GLI3: variants seen among roughly 807,000 people sequenced by gnomAD.
GLI3 encodes the protein GLI family zinc finger 3.
In GLI3, 20 loss-of-function variants were observed where a neutral mutation model predicts 100.8. The ratio of observed to expected loss-of-function variants is 0.20; its 90% CI spans 0.14 to 0.29. The LOEUF (loss-of-function observed/expected upper bound fraction) is 0.29, where lower values mean the gene tolerates loss of function less well. Among genes scored for constraint, GLI3 ranks in the 10% least tolerant of loss-of-function variants. The pLI, the probability that GLI3 is intolerant of heterozygous loss-of-function variation, is 1.00. For synonymous variants in GLI3, 938 were observed against 860.5 expected (o/e 1.09, Z -1.58); for missense variants, 2,040 against 2,128.5 (o/e 0.96, Z 0.82).
chr7:42,201,676 T>C (rs1199139868), intron 2 of GLI3, among the ~76,000 whole-genome samples: 3 of 152,196 alleles, frequency 2.0e-5, no homozygotes, highest in Non-Finnish European at 2.9e-5. Context: ...CATAGCCTGT[T>C]GCTCCCAGGA....
At chr7:42,117,232 T>C (rs1296648959) in intron 3 of GLI3, among the ~76,000 whole-genome samples, 3 of 152,072 alleles carry the variant, frequency 2.0e-5, no homozygotes, top group Non-Finnish European at 4.4e-5. Context: ...AAGATAGTGG[T>C]AGGGGAAGGA....
chr7:42,236,018 G>A (rs370045477), intron 1 of GLI3, among the ~76,000 whole-genome samples: 71 of 151,946 alleles, frequency 4.7e-4, no homozygotes, highest in African/African-American at 1.6e-3. Flanking sequence ...GTCAGGCAGG[G>A]AAGCCTGGGG....
chr7:42,246,749 C>T (rs547369269), intron 1 of GLI3, among the ~76,000 whole-genome samples: 93 of 143,248 alleles, frequency 6.5e-4, no homozygotes, highest in African/African-American at 2.4e-3. Flanking sequence ...CTGTTATTTT[C>T]GGCGGTTGGT....
upstream of GLI3, among the ~76,000 whole-genome samples, chr7:42,239,319 G>C (rs1424002414): frequency 6.6e-6 from 1 of 152,184 alleles, no homozygotes; most frequent in East Asian, 1.9e-4. Context: ...GATAGTGTTA[G>C]GAGTGCCAGG....
At chr7:42,083,867 G>A (rs1446160202) in intron 3 of GLI3, among the ~76,000 whole-genome samples, 1 of 152,144 alleles carries the variant, frequency 6.6e-6, no homozygotes, top group Non-Finnish European at 1.5e-5. Context: ...CAAATTTCAA[G>A]ATAATGGATG....
At chr7:42,182,165 C>T (rs1279431664) in intron 2 of GLI3, among the ~76,000 whole-genome samples, 1 of 152,062 alleles carries the variant, frequency 6.6e-6, no homozygotes, top group African/African-American at 2.4e-5. Flanking sequence ...ACAGGTGCTC[C>T]GTTTGGCAAG....
chr7:42,104,777 G>C (rs532390521), intron 3 of GLI3, among the ~76,000 whole-genome samples: 10 of 152,102 alleles, frequency 6.6e-5, no homozygotes, highest in African/African-American at 1.9e-4. Context: ...TATGAATGGG[G>C]TTCCTTTTAA....
At chr7:42,234,736 T>C (rs1350089918) in intron 1 of GLI3, among the ~76,000 whole-genome samples, 3 of 152,162 alleles carry the variant, frequency 2.0e-5, no homozygotes, top group East Asian at 1.9e-4. Flanking sequence ...ACCTCTCACA[T>C]TGGACTCATT....
In GLI3 at chr7:42,159,304, T is replaced by C. The variant is rs148900596; in HGVS notation, c.125-10836A>G. Among the ~76,000 whole-genome samples, 371 of 152,252 alleles carry C rather than the reference T, an allele frequency of 2.4e-3. 2 individuals are homozygous for C. The highest frequency in any genetic ancestry group is 8.3e-3 in the African/African-American group (346 of 41,528). On this transcript the variant is annotated intron_variant, in intron 2 of 14. Coordinates refer to ENST00000395925, the MANE Select transcript of GLI3 (RefSeq NM_000168.6). Reference sequence around the variant, plus strand: ...TCCAAAAGTTAAAGAAGCATATGGTTTACAGAAAAAGGAAAAAAGACTTGC... The same window carrying C: ...TCCAAAAGTTAAAGAAGCATATGGTCTACAGAAAAAGGAAAAAAGACTTGC...
intron 2 of GLI3, among the ~76,000 whole-genome samples, chr7:42,180,060 A>C (rs1447828441): frequency 6.6e-6 from 1 of 152,182 alleles, no homozygotes; most frequent in African/African-American, 2.4e-5. Flanking sequence ...ATAAGTACAG[A>C]GGGAGAAGAG....
chr7:42,153,563 G>A (rs1188039540), intron 2 of GLI3, among the ~76,000 whole-genome samples: 2 of 150,942 alleles, frequency 1.3e-5, no homozygotes, highest in African/African-American at 4.9e-5. Context: ...GGGCGGGCAG[G>A]GAGGAGGCAA....
chr7:42,055,964 G>A (rs372663084), intron 4 of GLI3, among the ~76,000 whole-genome samples: 1 of 152,076 alleles, frequency 6.6e-6, no homozygotes, highest in Admixed American at 6.5e-5. Flanking sequence ...TCATGGAGGC[G>A]GGTCTGTTCT....
In GLI3 at chr7:41,966,687, C is replaced by G. The variant is rs1787194809; in HGVS notation, c.2432-46G>C. 2 of 1,601,128 alleles carry G rather than the reference C, an allele frequency of 1.2e-6. No homozygotes were observed. The highest frequency in any genetic ancestry group is 2.2e-5 in the East Asian group (1 of 44,816). On this transcript the variant is annotated intron_variant, in intron 14 of 14. Coordinates refer to ENST00000395925, the MANE Select transcript of GLI3 (RefSeq NM_000168.6). The surrounding 1 kb of genome is among the most constrained non-coding windows in gnomAD (Gnocchi z 5.8). Reference sequence around the variant, plus strand: ...AGACCATGCGGAGATGAATTCCCTTCGAGCATGACTTACACCAGGCATGAG... The same window carrying G: ...AGACCATGCGGAGATGAATTCCCTTGGAGCATGACTTACACCAGGCATGAG...
intron 1 of GLI3, among the ~76,000 whole-genome samples, chr7:42,243,216 C>T (rs1347154691): frequency 6.6e-6 from 1 of 152,040 alleles, no homozygotes; most frequent in Non-Finnish European, 1.5e-5. Context: ...CTCGGAGGCA[C>T]AAGATTCCAA....
Position 42,026,316 on chromosome 7 carries a change from T to C in GLI3, c.1125A>G (p.Gly375=), listed in dbSNP as rs1789111139. 6.2e-7 allele frequency: 1 copy of C among 1,614,006 alleles called. No individual in the cohort carries two copies. Among genetic ancestry groups the C allele is most frequent in the Non-Finnish European group, 8.5e-7 (1 of 1,179,996 alleles). ...SRQQSLGSAF[G]HSPPLIHPAP... ...CAGGGTGGATGAGTGGAGGGCTGTG[T>C]CCAAAGGCTGAACCTAAGCTCTGTT... The change falls in exon 8 of 15, where the codon GGA becomes GGG. Residue 375 remains glycine (G), a synonymous_variant. Transcript: ENST00000395925.
At position 42,074,670 on chromosome 7, in the gene GLI3, G is replaced by A. The variant is rs368586999; in HGVS notation, c.473+2082C>T. ...CTGGGGCCCACTTCATAAGCATAGC[G>A]TCCACCCAGGGCCCTGCCAGGATGC... On this transcript the variant is annotated intron_variant, in intron 4 of 14. Coordinates refer to ENST00000395925, the MANE Select transcript of GLI3 (RefSeq NM_000168.6). Among the ~76,000 whole-genome samples the A allele has an allele frequency of 8.5e-5, 13 of 152,160 alleles. 1 individual carries two copies. Among genetic ancestry groups the A allele is most frequent in the East Asian group, 3.9e-4 (2 of 5,146 alleles).
intron 2 of GLI3, chr7:42,222,929 G>C (rs1788513137): frequency 6.6e-6 from 4 of 608,232 alleles, no homozygotes; most frequent in Non-Finnish European, 1.2e-5. Context: ...AAGTTTGGAA[G>C]TCAACGTGTA....
In GLI3 at chr7:41,972,616, C is replaced by A; in HGVS notation, c.1824G>T (p.Val608=). 6.2e-7 allele frequency: 1 copy of A among 1,604,258 alleles called. No homozygotes were observed. The highest frequency in any genetic ancestry group is 8.5e-7 in the Non-Finnish European group (1 of 1,179,772). ...GCTTAGTGCAGCCTGGGATTTTGCACACATATGGTTTCTGCCAAATCCCAC... is the reference window on the plus strand; with the variant it reads ...GCTTAGTGCAGCCTGGGATTTTGCAAACATATGGTTTCTGCCAAATCCCAC... ...NRTHSNEKPY[V]CKIPGCTKRY... Residue 608 remains valine, a synonymous_variant, in exon 13 of 15, where the codon GTG becomes GTT. Coordinates refer to ENST00000395925, the MANE Select transcript of GLI3 (RefSeq NM_000168.6). This position sits in a 1 kb window ranked among gnomAD's most constrained non-coding sequence, Gnocchi z 4.4.
chr7:42,107,656 T>C (rs558414810), intron 3 of GLI3, among the ~76,000 whole-genome samples: 9 of 152,070 alleles, frequency 5.9e-5, no homozygotes, highest in African/African-American at 2.2e-4. Context: ...TGTGAATGGA[T>C]GGGTGGGGAG....
Sources: allele counts gnomAD v4.1 joint callset (sites outside exome capture counted in the v4.1 genomes callset), GRCh38; gene constraint gnomAD v4.1.1; non-coding constraint Gnocchi (gnomAD v3.1); transcripts MANE v1.5; gene names NCBI Gene and HGNC (gene_info 2026-07-23, HGNC 2026-07-21).